RPL6: variants seen among roughly 807,000 people sequenced by gnomAD.
RPL6 encodes the protein ribosomal protein L6.
A neutral mutation model predicts 32.1 loss-of-function variants in RPL6; 1 was observed. The observed-to-expected ratio is 0.03, with a 90% CI of 0.01 to 0.15. RPL6 has a LOEUF of 0.15. RPL6 is among the 10% of genes least tolerant of loss of function. The probability of loss-of-function intolerance (pLI) is 1.00; values close to 1 mark genes in which losing one functional copy is unlikely to be tolerated. For missense variants in RPL6, 275 were observed against 354.6 expected (o/e 0.78, Z 1.80); for synonymous variants, 126 against 131.6 (o/e 0.96, Z 0.29).
exon 1 of RPL6, chr12:112,418,815 GC>G: frequency 4.2e-6 from 2 of 471,486 alleles, no homozygotes; most frequent in Non-Finnish European, 7.5e-6. Flanking sequence ...GCCATTCCCG[GC>G]CGTCGCTCGG....
intron 1 of RPL6, among the ~76,000 whole-genome samples, chr12:112,416,249 C>T (rs545967589): frequency 6.6e-6 from 1 of 150,740 alleles, no homozygotes; most frequent in African/African-American, 2.4e-5. Flanking sequence ...ACGCCATTCT[C>T]CTGCCTCAGC....
upstream of RPL6, among the ~76,000 whole-genome samples, chr12:112,412,558 T>C (rs2037353694): frequency 6.6e-6 from 1 of 151,636 alleles, no homozygotes; most frequent in African/African-American, 2.4e-5. Context: ...CACTGCAGCC[T>C]TGACCTCCTG....
intron 3 of RPL6, 178 bp from the exon 4 acceptor site, chr12:112,407,068 T>G: frequency 1.7e-6 from 1 of 600,688 alleles, no homozygotes; most frequent in Non-Finnish European, 2.8e-6. Context: ...TGCTTCTGCA[T>G]CCTGTGTGCA....
upstream of RPL6, among the ~76,000 whole-genome samples, chr12:112,410,156 A>C (rs917701662): frequency 1.3e-5 from 2 of 152,162 alleles, no homozygotes; most frequent in African/African-American, 2.4e-5. Flanking sequence ...AAAAAAAGAA[A>C]AAAAGAAAAA....
intron 6 of RPL6, 161 bp from the exon 7 acceptor site, chr12:112,405,537 C>T: frequency 1.3e-6 from 1 of 766,760 alleles, no homozygotes; most frequent in Non-Finnish European, 2.1e-6. Context: ...TGAAACACAA[C>T]CCATTTTTTA....
chr12:112,409,189 G>A (rs1410026465), intron 1 of RPL6: 6 of 343,426 alleles, frequency 1.7e-5, no homozygotes, highest in Non-Finnish European at 3.1e-5. Context: ...CGGGGACGCT[G>A]GGAGACGCGA....
intron 1 of RPL6, among the ~76,000 whole-genome samples, chr12:112,415,730 A>C (rs529170482): frequency 6.7e-6 from 1 of 150,342 alleles, no homozygotes; most frequent in East Asian, 2.0e-4. Context: ...AAAACAAAAA[A>C]CTTTTTTTTT....
upstream of RPL6, chr12:112,410,227 G>T: frequency 4.7e-6 from 1 of 210,816 alleles, no homozygotes. Context: ...GCTAAGGCGG[G>T]AGGATCACTT....
chr12:112,416,113 T>C (rs2037404752), intron 1 of RPL6, among the ~76,000 whole-genome samples: 1 of 142,934 alleles, frequency 7.0e-6, no homozygotes, highest in Non-Finnish European at 1.5e-5. Flanking sequence ...TGCCTGCCAC[T>C]GCACCCAGCT....
At chr12:112,406,971 C>A (rs1280150074) in intron 3 of RPL6, 81 bp from the exon 4 acceptor site, 9 of 1,417,088 alleles carry the variant, frequency 6.4e-6, no homozygotes, top group African/African-American at 1.4e-5. Flanking sequence ...CAAACTTTTG[C>A]TACAGCCTTT....
chr12:112,410,174 C>G (rs1327285229), upstream of RPL6: 1 of 160,866 alleles, frequency 6.2e-6, no homozygotes, highest in Non-Finnish European at 1.4e-5. Flanking sequence ...AAAAAATTAG[C>G]CGAGTGTGGT....
At chr12:112,411,334 G>A (rs1415395511), upstream of RPL6, 1 of 152,030 alleles carries the variant, frequency 6.6e-6, no homozygotes, top group African/African-American at 2.4e-5. Flanking sequence ...TCCTCCATTC[G>A]TTTCTTTCTG....
At chr12:112,409,099 T>C in intron 1 of RPL6, 1 of 241,842 alleles carries the variant, frequency 4.1e-6, no homozygotes, top group Non-Finnish European at 7.8e-6. Context: ...AAACTCGATT[T>C]AGGAATTGCG....
chr12:112,417,128 G>A (rs1001565696), intron 1 of RPL6, among the ~76,000 whole-genome samples: 5 of 152,146 alleles, frequency 3.3e-5, no homozygotes, highest in Non-Finnish European at 7.3e-5. Flanking sequence ...TGCAGTCTGG[G>A]CTCACTGCAA....
chr12:112,410,359 C>A, upstream of RPL6: 1 of 278,414 alleles, frequency 3.6e-6, no homozygotes, highest in Non-Finnish European at 7.2e-6. Context: ...TGTACATGGC[C>A]TTTCTCATTC....
rs1411628232 is a variant in RPL6, at chr12:112,405,244, G to C, written c.847C>G (p.Pro283Ala). 6.3e-6 allele frequency: 10 copies of C among 1,580,942 alleles called. No homozygotes were observed. The highest frequency in any genetic ancestry group is 8.6e-6 in the Non-Finnish European group (10 of 1,167,014). The change falls in exon 7 of 7, where the codon CCT becomes GCT. Residue 283 changes from proline to alanine, a missense_variant. Transcript: ENST00000202773. ...SVFALTNGIY[P>A]HKLVF ...GACATTTAGAACACCAATTTGTGAG[G>C]ATAAATTCCATTCGTCAGAGCAAAC...
At chr12:112,407,900 A>C (rs985363513) in intron 3 of RPL6, 7 of 223,272 alleles carry the variant, frequency 3.1e-5, no homozygotes, top group Non-Finnish European at 6.3e-5. Context: ...GTATATTTTT[A>C]CTAGAGATGT....
At chr12:112,418,827 T>C (rs1256194555) in exon 1 of RPL6, 1 of 491,476 alleles carries the variant, frequency 2.0e-6, no homozygotes, top group South Asian at 2.6e-5. Flanking sequence ...CGTCGCTCGG[T>C]CCTCCGCTGA....
At chr12:112,414,673 T>A (rs145399901), upstream of RPL6, among the ~76,000 whole-genome samples, 1,617 of 151,190 alleles carry the variant, frequency 0.011, 26 homozygotes, top group African/African-American at 0.036. Context: ...GGAGGCCGAG[T>A]CGGGTGGATC....
Sources: allele counts gnomAD v4.1 joint callset (sites outside exome capture counted in the v4.1 genomes callset), GRCh38; gene constraint gnomAD v4.1.1; transcripts MANE v1.5; gene names NCBI Gene and HGNC (gene_info 2026-07-23, HGNC 2026-07-21).